Variants in ADAMTS16 observed in about 807,000 individuals in gnomAD.
The protein encoded by ADAMTS16 is A disintegrin and metalloproteinase with thrombospondin motifs 16.
Under a neutral mutation model 145.8 loss-of-function variants are expected in ADAMTS16, and 94 were observed. The ratio of observed to expected loss-of-function variants is 0.64; its 90% CI spans 0.55 to 0.77. The LOEUF (loss-of-function observed/expected upper bound fraction) is 0.77. ADAMTS16 is among the 30% of genes least tolerant of loss of function. The pLI, the probability that ADAMTS16 is intolerant of heterozygous loss-of-function variation, is 0.00. For missense variants in ADAMTS16, 1,585 were observed against 1,591.5 expected, an observed-to-expected ratio of 1.00 and a Z score of 0.07; for synonymous variants, 659 against 604.3, an observed-to-expected ratio of 1.09 and a Z score of -1.33.
At chr5:5,250,736 T>TGCGC (rs1553994628) in intron 17 of ADAMTS16, among the ~76,000 whole-genome samples, 7 of 141,812 alleles carry the variant, frequency 4.9e-5, no homozygotes, top group Admixed American at 4.9e-4. Context: ...TGTGTGTGTG[T>TGCGC]GCGCGCACTC....
rs1333108410 is a variant in ADAMTS16 at position 5,239,190 on chromosome 5, G to A, written c.2194G>A (p.Glu732Lys). The change falls in exon 15 of 23, where the codon GAA becomes AAA. Residue 732 changes from glutamate to lysine, a missense_variant. This residue lies in a region of ADAMTS16 where 834 missense variants were observed against 811.7 expected (regional missense o/e 1.03). Transcript: ENST00000274181. ...CAATGTCCTTGGATCTGATGCTGTTGAAGACGTCTGTGGGGTGTGTAACGG... is the reference window on the plus strand; with the variant it reads ...CAATGTCCTTGGATCTGATGCTGTTAAAGACGTCTGTGGGGTGTGTAACGG... ...CDNVLGSDAV[E>K]DVCGVCNGNN... 3 of 1,595,256 alleles carry A rather than the reference G, an allele frequency of 1.9e-6. No homozygotes were observed. Among genetic ancestry groups the A allele is most frequent in the Non-Finnish European group, 8.5e-7 (1 of 1,171,970 alleles).
At chr5:5,142,110 A>G (rs1734185196) in intron 2 of ADAMTS16, 1 of 152,150 alleles carries the variant, frequency 6.6e-6, no homozygotes, top group African/African-American at 2.4e-5. Flanking sequence ...TGAAAATTCC[A>G]GAGGGACTCA....
At chr5:5,148,488 T>A (rs1039097373) in intron 3 of ADAMTS16, among the ~76,000 whole-genome samples, 5 of 152,260 alleles carry the variant, frequency 3.3e-5, no homozygotes, top group Admixed American at 6.5e-5. Flanking sequence ...ATATCTTGTA[T>A]CATTTAATTA....
chr5:5,247,905 T>C (rs1737501266), intron 17 of ADAMTS16, among the ~76,000 whole-genome samples: 1 of 152,346 alleles, frequency 6.6e-6, no homozygotes, highest in South Asian at 2.1e-4. Context: ...ACAGCAATTG[T>C]GCAGGGCCAG....
intron 18 of ADAMTS16, among the ~76,000 whole-genome samples, chr5:5,292,102 C>G (rs963614623): frequency 2.6e-5 from 4 of 152,326 alleles, no homozygotes; most frequent in Non-Finnish European, 5.9e-5. Context: ...CCACCAGCCT[C>G]TCACTCTTGC....
chr5:5,314,528 T>C (rs1022644135), intron 21 of ADAMTS16, among the ~76,000 whole-genome samples: 1 of 152,238 alleles, frequency 6.6e-6, no homozygotes, highest in Admixed American at 6.5e-5. Flanking sequence ...CTTCCTGGAA[T>C]GAAAAGTGAA....
intron 10 of ADAMTS16, among the ~76,000 whole-genome samples, chr5:5,215,575 A>G (rs1736399324): frequency 6.6e-6 from 1 of 151,702 alleles, no homozygotes; most frequent in African/African-American, 2.4e-5. Flanking sequence ...TATCAGTGAG[A>G]ACATACAATA....
At chr5:5,234,136 AC>A (rs1303160395) in intron 12 of ADAMTS16, among the ~76,000 whole-genome samples, 1 of 152,046 alleles carries the variant, frequency 6.6e-6, no homozygotes, top group African/African-American at 2.4e-5. Flanking sequence ...AGCTCACCTC[AC>A]CCCCTACGCC....
intron 20 of ADAMTS16, 26 bp downstream of exon 20, chr5:5,303,792 G>C (rs778111364): frequency 6.2e-7 from 1 of 1,606,822 alleles, no homozygotes; most frequent in Non-Finnish European, 8.5e-7. Context: ...TCGCGGGAGC[G>C]AGGTTGACTA....
intron 4 of ADAMTS16, among the ~76,000 whole-genome samples, chr5:5,184,094 C>T (rs772561676): frequency 6.6e-6 from 1 of 152,118 alleles, no homozygotes; most frequent in Non-Finnish European, 1.5e-5. Context: ...CAGCCCAGGC[C>T]CCGGAAAAGT....
intron 9 of ADAMTS16, among the ~76,000 whole-genome samples, chr5:5,208,344 A>T (rs905312516): frequency 6.6e-6 from 1 of 152,220 alleles, no homozygotes; most frequent in African/African-American, 2.4e-5. Flanking sequence ...GGAAGGGCCT[A>T]TTGAAATTTG....
chr5:5,198,161 G>A (rs1323824164), intron 8 of ADAMTS16, among the ~76,000 whole-genome samples: 2 of 152,190 alleles, frequency 1.3e-5, no homozygotes, highest in South Asian at 2.1e-4. Flanking sequence ...GGACCGTAAT[G>A]TGTCTTCTTC....
Position 5,318,267 on chromosome 5 carries a change from T to C in ADAMTS16, c.3545T>C (p.Ile1182Thr), listed in dbSNP as rs772399312. 6.0e-6 allele frequency: 9 copies of C among 1,501,170 alleles called. No individual in the cohort carries two copies. In the South Asian group the frequency reaches 8.0e-5, roughly 13 times the overall value. 93.0% of individuals were successfully genotyped at this position (1,501,170 alleles called of 1,614,324 possible). The change falls in exon 22 of 23, where the codon ATT (isoleucine) becomes ACT (threonine). Residue 1182 changes from isoleucine (I) to threonine (T), a missense_variant. Transcript: ENST00000274181. The stretch of plus-strand genomic sequence containing the variant: ...GCCTGCAACACTCACTTCTGCCCCA[T>C]TGCAGAGAAGAAAGGTGAGTACATG... The part of the protein sequence containing the change: ...SLACNTHFCP[I>T]AEKKDAFCKD...
chr5:5,296,611 AT>A (rs1272489915), intron 18 of ADAMTS16, among the ~76,000 whole-genome samples: 5 of 152,082 alleles, frequency 3.3e-5, no homozygotes, highest in African/African-American at 1.2e-4. Flanking sequence ...GCTTTGCACA[AT>A]TTCAGATTCC....
chr5:5,315,704 A>C (rs1561008067), intron 21 of ADAMTS16, among the ~76,000 whole-genome samples: 1 of 152,196 alleles, frequency 6.6e-6, no homozygotes, highest in Non-Finnish European at 1.5e-5. Context: ...CAGCAGAGAA[A>C]AAAGGCAGAA....
At chr5:5,307,679 T>C (rs1444018094) in intron 21 of ADAMTS16, among the ~76,000 whole-genome samples, 2 of 152,256 alleles carry the variant, frequency 1.3e-5, no homozygotes, top group Middle Eastern at 3.4e-3. Flanking sequence ...GTCAATTCCT[T>C]TCTCTCTCCT....
intron 9 of ADAMTS16, among the ~76,000 whole-genome samples, chr5:5,208,745 CAAG>C (rs1736196994): frequency 6.6e-6 from 1 of 152,142 alleles, no homozygotes; most frequent in South Asian, 2.1e-4. Flanking sequence ...TTGATTCTGC[CAAG>C]AAGTGTGCAT....
At chr5:5,176,326 C>T (rs1401875612) in intron 3 of ADAMTS16, 2 of 152,148 alleles carry the variant, frequency 1.3e-5, no homozygotes, top group Non-Finnish European at 1.5e-5. Flanking sequence ...GTATTTACCC[C>T]TGACAGAGGA....
chr5:5,286,148 T>C (rs890341529), intron 18 of ADAMTS16, among the ~76,000 whole-genome samples: 4 of 152,194 alleles, frequency 2.6e-5, no homozygotes, highest in Non-Finnish European at 5.9e-5. Flanking sequence ...GAATGAGGTC[T>C]TTAAATACAG....
Sources: allele counts gnomAD v4.1 joint callset (sites outside exome capture counted in the v4.1 genomes callset), GRCh38; gene constraint gnomAD v4.1.1; regional missense constraint gnomAD v4.1.1; transcripts MANE v1.5; gene names NCBI Gene and HGNC (gene_info 2026-07-23, HGNC 2026-07-21).